Variants in BLK observed in about 807,000 individuals in gnomAD.
The protein encoded by BLK is tyrosine-protein kinase Blk.
Under a neutral mutation model 61.8 loss-of-function variants are expected in BLK, and 64 were observed. That is an observed-to-expected ratio of 1.03 (90% CI 0.85 to 1.27). BLK has a LOEUF of 1.27. BLK is among the 50% of genes most tolerant of loss of function. BLK has a pLI of 0.00. For missense variants in BLK, 853 were observed against 660.5 expected (o/e 1.29, Z -3.19); for synonymous variants, 351 against 272.0 (o/e 1.29, Z -2.86).
chr8:11,561,730 T>C lies in BLK; in HGVS notation c.1180+278T>C, dbSNP rs534983471. On this transcript the variant is annotated intron_variant, in intron 11 of 12. Coordinates refer to ENST00000259089, the MANE Select transcript of BLK (RefSeq NM_001715.3). ...CTGTCTTGGAGATTCCCAGTGCACA[T>C]CAACATATTAAAGGCACTGAGAAGT... Among the ~76,000 whole-genome samples, 4 of 152,234 alleles carry C rather than the reference T, an allele frequency of 2.6e-5. No individual in the cohort carries two copies. In the East Asian group the frequency reaches 7.7e-4, roughly 29 times the overall value.
intron 1 of BLK, among the ~76,000 whole-genome samples, chr8:11,539,522 T>C (rs1376975854): frequency 6.6e-6 from 1 of 152,216 alleles, no homozygotes; most frequent in Non-Finnish European, 1.5e-5. Flanking sequence ...GTCTATATAA[T>C]GATGTTTTAT....
chr8:11,534,442 G>A (rs991026420), intron 1 of BLK, among the ~76,000 whole-genome samples: 13 of 151,698 alleles, frequency 8.6e-5, no homozygotes, highest in African/African-American at 1.9e-4. Context: ...AATTTTATCC[G>A]TCCCCAGAAT....
In BLK at chr8:11,526,771, GTGTTTC is replaced by G. The variant is rs759604425; in HGVS notation, c.-1-16452_-1-16447del. On this transcript the variant is annotated intron_variant, in intron 1 of 12. Transcript: ENST00000259089. ...TGTTCAGTGCTTATATAATTTTACT[GTGTTTC>G]ATCAGTAGGTTAGTACTCAAAACTT... Among the ~76,000 whole-genome samples, 1,484 of 152,300 alleles carry G rather than the reference GTGTTTC, an allele frequency of 9.7e-3. 11 individuals carry two copies. Among genetic ancestry groups the G allele is most frequent in the Middle Eastern group, 0.044 (13 of 294 alleles).
chr8:11,500,915 A>G (rs894394911), intron 1 of BLK, among the ~76,000 whole-genome samples: 2 of 152,150 alleles, frequency 1.3e-5, no homozygotes, highest in African/African-American at 4.8e-5. Context: ...GTTAAATAAT[A>G]CTTTTTATTT....
intron 1 of BLK, among the ~76,000 whole-genome samples, chr8:11,510,476 C>T (rs1001187221): frequency 6.6e-6 from 1 of 151,960 alleles, no homozygotes; most frequent in Non-Finnish European, 1.5e-5. Flanking sequence ...GGGGCTTTGT[C>T]GGGGGAGAGG....
rs116188613 is a variant in BLK at position 11,513,493 on chromosome 8, A to T, written c.-2+18902A>T. Among the ~76,000 whole-genome samples, 863 of 152,326 alleles carry T rather than the reference A, an allele frequency of 5.7e-3. 5 individuals are homozygous for T. Among genetic ancestry groups the T allele is most frequent in the African/African-American group, 0.02 (814 of 41,572 alleles). The stretch of plus-strand genomic sequence containing the variant: ...ACACTTTTTCTCTGCAGCTGTGAGC[A>T]GAGCCCAGGCTGTCTGTCCCTCAGC... On this transcript the variant is annotated intron_variant, in intron 1 of 12. Transcript: ENST00000259089.
intron 3 of BLK, among the ~76,000 whole-genome samples, chr8:11,546,738 G>T (rs1202048873): frequency 6.6e-6 from 1 of 152,208 alleles, no homozygotes; most frequent in African/African-American, 2.4e-5. Flanking sequence ...ACCACACCGG[G>T]CTAATTTTTA....
intron 1 of BLK, among the ~76,000 whole-genome samples, chr8:11,533,047 C>G (rs183221098): frequency 6.6e-6 from 1 of 152,246 alleles, no homozygotes; most frequent in African/African-American, 2.4e-5. Context: ...AGTAAAATGC[C>G]CAGCCTTGAG....
intron 3 of BLK, among the ~76,000 whole-genome samples, chr8:11,546,787 A>G (rs553151295): frequency 5.9e-5 from 9 of 152,204 alleles, no homozygotes; most frequent in African/African-American, 2.2e-4. Context: ...TGTTGGCCAG[A>G]TTGGTCTTAA....
At chr8:11,498,516 G>A (rs778260767) in intron 1 of BLK, among the ~76,000 whole-genome samples, 13 of 152,296 alleles carry the variant, frequency 8.5e-5, no homozygotes, top group African/African-American at 2.6e-4. Flanking sequence ...CTCTCTCAGC[G>A]TGTTGTGGAT....
chr8:11,513,076 C>T (rs1563428492), intron 1 of BLK, among the ~76,000 whole-genome samples: 1 of 152,082 alleles, frequency 6.6e-6, no homozygotes, highest in African/African-American at 2.4e-5. Flanking sequence ...TCTTTTTTGT[C>T]CTTGATAAAA....
intron 1 of BLK, among the ~76,000 whole-genome samples, chr8:11,497,373 C>G (rs1454061952): frequency 6.6e-6 from 1 of 152,190 alleles, no homozygotes; most frequent in Non-Finnish European, 1.5e-5. Context: ...CCCTTCCCCA[C>G]CTTCCCACCT....
At chr8:11,526,599 G>T (rs376488908) in intron 1 of BLK, among the ~76,000 whole-genome samples, 2 of 152,130 alleles carry the variant, frequency 1.3e-5, no homozygotes, top group South Asian at 4.2e-4. Context: ...CATGCCTGTC[G>T]TCCCAGCTAC....
intron 1 of BLK, among the ~76,000 whole-genome samples, chr8:11,520,896 C>T (rs1047154151): frequency 3.3e-5 from 5 of 151,914 alleles, no homozygotes; most frequent in Non-Finnish European, 5.9e-5. Context: ...AATGCCAATT[C>T]TCCAAAAATT....
intron 10 of BLK, among the ~76,000 whole-genome samples, chr8:11,559,213 C>A (rs1801366291): frequency 6.6e-6 from 1 of 152,084 alleles, no homozygotes; most frequent in Non-Finnish European, 1.5e-5. Context: ...GGGTGAGGAG[C>A]CAGAAAATCA....
intron 1 of BLK, among the ~76,000 whole-genome samples, chr8:11,505,877 C>T (rs1288968369): frequency 1.3e-5 from 2 of 152,220 alleles, no homozygotes; most frequent in African/African-American, 4.8e-5. Context: ...TTGCCAACTC[C>T]ACTCCCTGCC....
At chr8:11,536,050 A>AAG (rs1182451673) in intron 1 of BLK, among the ~76,000 whole-genome samples, 1 of 152,254 alleles carries the variant, frequency 6.6e-6, no homozygotes, top group African/African-American at 2.4e-5. Flanking sequence ...CAAACTAAGC[A>AAG]AGAAGCTATT....
intron 1 of BLK, among the ~76,000 whole-genome samples, chr8:11,512,808 C>T (rs545968260): frequency 9.2e-5 from 14 of 152,178 alleles, no homozygotes; most frequent in East Asian, 1.9e-4. Context: ...GGACTACAGG[C>T]GCCACCCACC....
At chr8:11,556,263 C>G (rs1025561145) in intron 8 of BLK, 2 of 313,442 alleles carry the variant, frequency 6.4e-6, no homozygotes, top group Non-Finnish European at 1.2e-5. Context: ...GGAAGGAGAC[C>G]CCCATGCGTC....
Sources: gnomAD v4.1 joint callset for allele counts (sites outside exome capture counted in the v4.1 genomes callset) on GRCh38, gnomAD v4.1.1 for gene constraint, MANE v1.5 for transcripts, NCBI Gene and HGNC (gene_info 2026-07-23, HGNC 2026-07-21) for gene names.